CLIC4: variants seen among roughly 807,000 people sequenced by gnomAD.
The protein encoded by CLIC4 is chloride intracellular channel protein 4.
Under a neutral mutation model 24.6 loss-of-function variants are expected in CLIC4, and 13 were observed. That is an observed-to-expected ratio of 0.53 (90% confidence interval 0.34 to 0.84). The LOEUF is 0.84. Ranked by LOEUF, CLIC4 falls within the 40% of genes least tolerant of loss-of-function variation. The probability of loss-of-function intolerance (pLI) is 0.01; values close to 1 mark genes in which losing one functional copy is unlikely to be tolerated. For synonymous variants in CLIC4, 104 were observed against 111.3 expected, an observed-to-expected ratio of 0.93 and a Z score of 0.41; for missense variants, 227 against 301.7, an observed-to-expected ratio of 0.75 and a Z score of 1.83.
rs373879855 is a variant in CLIC4 at position 24,836,441 on chromosome 1, A to C, written c.416-3419A>C. Among the ~76,000 whole-genome samples, 120 of 152,064 alleles carry C rather than the reference A, an allele frequency of 7.9e-4. 2 individuals carry two copies. In the South Asian group the frequency reaches 0.024, roughly 30 times the overall value. ...TTCAAATGCACATGGAACAAAATTG[A>C]TGGTAAAGCTGGGCCATAAAACAAA... On this transcript the variant is annotated intron_variant, in intron 4 of 5. Coordinates refer to ENST00000374379, the MANE Select transcript of CLIC4 (RefSeq NM_013943.3).
intron 4 of CLIC4, among the ~76,000 whole-genome samples, chr1:24,830,340 G>T (rs1185144339): frequency 1.3e-5 from 2 of 151,904 alleles, no homozygotes; most frequent in African/African-American, 2.4e-5. Flanking sequence ...TGGTAGAAAT[G>T]CTTCTATATC....
chr1:24,793,027 C>T (rs757948841), intron 1 of CLIC4: 6 of 152,102 alleles, frequency 3.9e-5, no homozygotes, highest in Non-Finnish European at 8.8e-5. Flanking sequence ...TATTATGTCT[C>T]GTTTACCAAC....
At chr1:24,804,703 C>T (rs1435658876) in intron 2 of CLIC4, among the ~76,000 whole-genome samples, 1 of 151,992 alleles carries the variant, frequency 6.6e-6, no homozygotes, top group East Asian at 1.9e-4. Flanking sequence ...CCTGTTGAGG[C>T]TGCTAAGAGC....
intron 1 of CLIC4, among the ~76,000 whole-genome samples, chr1:24,790,279 C>T (rs1465275248): frequency 4.6e-5 from 7 of 152,248 alleles, no homozygotes; most frequent in African/African-American, 1.4e-4. Flanking sequence ...ACCATGTTGG[C>T]CAGGCTGGTC....
chr1:24,823,774 C>CAAAA (rs10627275), intron 3 of CLIC4, among the ~76,000 whole-genome samples: 8 of 108,660 alleles, frequency 7.4e-5, no homozygotes, highest in East Asian at 5.7e-4. Flanking sequence ...AACTCTGTCT[C>CAAAA]AAAAAAAAAA....
chr1:24,787,327 T>C (rs1639281208), intron 1 of CLIC4, among the ~76,000 whole-genome samples: 3 of 152,076 alleles, frequency 2.0e-5, no homozygotes, highest in Admixed American at 2.0e-4. Flanking sequence ...ACCCTGTCTC[T>C]ACTAAAGATA....
chr1:24,814,119 G>A lies in CLIC4; in HGVS notation c.208G>A (p.Ala70Thr). ...GAAGCCAGCAGACCTGCAGAACTTG[G>A]CTCCCGGGACCCACCCACCATTTAT... ...KRKPADLQNL[A>T]PGTHPPFITF... The change falls in exon 3 of 6, where the codon GCT (alanine) becomes ACT (threonine). Residue 70 changes from alanine (A) to threonine (T), a missense_variant. Physicochemically the swap from Ala to Thr is moderately conservative, Grantham distance 58. Transcript: ENST00000374379. 1 of 1,613,876 alleles carries A rather than the reference G, an allele frequency of 6.2e-7. No individual in the cohort carries two copies. Among genetic ancestry groups the A allele is most frequent in the South Asian group, 1.1e-5 (1 of 91,062 alleles).
At chr1:24,838,603 C>A (rs763054499) in intron 4 of CLIC4, among the ~76,000 whole-genome samples, 4 of 152,122 alleles carry the variant, frequency 2.6e-5, no homozygotes, top group Non-Finnish European at 5.9e-5. Flanking sequence ...TGGTTTGCCA[C>A]CTCATGATAT....
chr1:24,759,764 C>T (rs943430164), intron 1 of CLIC4, among the ~76,000 whole-genome samples: 3 of 152,092 alleles, frequency 2.0e-5, no homozygotes, highest in Non-Finnish European at 2.9e-5. Flanking sequence ...GCCTCTGCAA[C>T]GTGGGGAAAC....
At chr1:24,794,522 A>G (rs1639376373) in intron 1 of CLIC4, among the ~76,000 whole-genome samples, 1 of 152,136 alleles carries the variant, frequency 6.6e-6, no homozygotes. Flanking sequence ...TCGGTTGCCC[A>G]CATTTTAATG....
intron 2 of CLIC4, among the ~76,000 whole-genome samples, chr1:24,810,642 G>A (rs183780553): frequency 6.6e-6 from 1 of 152,172 alleles, no homozygotes; most frequent in African/African-American, 2.4e-5. Context: ...GCTTGATGGA[G>A]TGTGCCTCTG....
intron 1 of CLIC4, among the ~76,000 whole-genome samples, chr1:24,765,116 A>G (rs1292990732): frequency 2.0e-5 from 3 of 152,230 alleles, no homozygotes; most frequent in East Asian, 3.8e-4. Context: ...GTTTTCCTAT[A>G]TTTAGAATAG....
intron 1 of CLIC4, chr1:24,771,981 C>A: frequency 3.0e-6 from 1 of 337,628 alleles, no homozygotes; most frequent in Non-Finnish European, 6.0e-6. Flanking sequence ...TAGGCTTAGG[C>A]AGAAAGTTGA....
chr1:24,831,159 C>T (rs1445225697), intron 4 of CLIC4, among the ~76,000 whole-genome samples: 4 of 152,082 alleles, frequency 2.6e-5, no homozygotes, highest in Non-Finnish European at 5.9e-5. Flanking sequence ...ATCAGAAGTG[C>T]TTTGCTAAGT....
At chr1:24,783,563 T>C (rs1425761955) in intron 1 of CLIC4, among the ~76,000 whole-genome samples, 1 of 151,838 alleles carries the variant, frequency 6.6e-6, no homozygotes, top group Non-Finnish European at 1.5e-5. Context: ...ATTAGCCGGG[T>C]GTGGTGGTGC....
At chr1:24,826,959 T>A in intron 3 of CLIC4, 51 bp from the exon 4 acceptor site, 1 of 1,294,738 alleles carries the variant, frequency 7.7e-7, no homozygotes, top group Non-Finnish European at 1.1e-6. Context: ...AGAGAACTTA[T>A]GCTAATTCAT....
Position 24,827,447 on chromosome 1 carries a change from G to A in CLIC4, c.415+331G>A, listed in dbSNP as rs557024747. Among the ~76,000 whole-genome samples, 163 of 152,016 alleles carry A rather than the reference G, an allele frequency of 1.1e-3. 1 individual carries two copies. The highest frequency in any genetic ancestry group is 3.4e-3 in the Middle Eastern group (1 of 294). On this transcript the variant is annotated intron_variant, in intron 4 of 5. Coordinates refer to ENST00000374379, the MANE Select transcript of CLIC4 (RefSeq NM_013943.3). ...TGGTGCATCAGAAACAGTGGATTGT[G>A]TGGTTGTGGTGGTTTAGCATAGATT...
intron 3 of CLIC4, among the ~76,000 whole-genome samples, chr1:24,816,591 C>T (rs1378941677): frequency 6.6e-6 from 1 of 152,086 alleles, no homozygotes; most frequent in Non-Finnish European, 1.5e-5. Context: ...TTTTCCAGGT[C>T]ACTTTGCTTT....
At chr1:24,786,683 T>C (rs1251829095) in intron 1 of CLIC4, among the ~76,000 whole-genome samples, 1 of 152,132 alleles carries the variant, frequency 6.6e-6, no homozygotes, top group Non-Finnish European at 1.5e-5. Flanking sequence ...AGTGGTGCTA[T>C]CTCTGCTCAC....
Sources: gnomAD v4.1 joint callset for allele counts (sites outside exome capture counted in the v4.1 genomes callset) on GRCh38, gnomAD v4.1.1 for gene constraint, MANE v1.5 for transcripts, NCBI Gene and HGNC (gene_info 2026-07-23, HGNC 2026-07-21) for gene names.